The following TENM2 variants were observed in gnomAD, a reference collection of about 807,000 sequenced individuals.
TENM2 encodes teneurin transmembrane protein 2.
In TENM2, 52 loss-of-function variants were observed where a neutral mutation model predicts 245.2. The ratio of observed to expected loss-of-function variants is 0.21; its 90% confidence interval spans 0.17 to 0.27. The LOEUF is 0.27. TENM2 is among the 10% of genes least tolerant of loss of function. The pLI is 1.00. For missense variants in TENM2, 3,046 were observed against 3,666.8 expected (o/e 0.83, Z 4.37); for synonymous variants, 1,363 against 1,438.9 (o/e 0.95, Z 1.19).
At chr5:167,625,176 C>T (rs541168338) in intron 2 of TENM2, among the ~76,000 whole-genome samples, 2 of 152,274 alleles carry the variant, frequency 1.3e-5, no homozygotes, top group South Asian at 2.1e-4. Context: ...GTAGCAACTC[C>T]TCTTCTGAAT....
intron 4 of TENM2, among the ~76,000 whole-genome samples, chr5:167,977,453 A>G (rs901095349): frequency 5.3e-5 from 8 of 152,222 alleles, no homozygotes; most frequent in Admixed American, 5.2e-4. Context: ...AATACATCAA[A>G]TAAAATAGAA....
intron 2 of TENM2, among the ~76,000 whole-genome samples, chr5:167,512,210 A>T (rs1051000629): frequency 6.6e-6 from 1 of 152,206 alleles, no homozygotes; most frequent in Non-Finnish European, 1.5e-5. Context: ...CATGAAAAGT[A>T]TTTGAGAACA....
chr5:167,622,599 A>C (rs138120143), intron 2 of TENM2, among the ~76,000 whole-genome samples: 92 of 152,284 alleles, frequency 6.0e-4, no homozygotes, highest in Non-Finnish European at 1.2e-3. Flanking sequence ...AAGAATCAAC[A>C]TTAAGCCATT....
chr5:167,517,253 C>T (rs913794526), intron 2 of TENM2, among the ~76,000 whole-genome samples: 1 of 152,166 alleles, frequency 6.6e-6, no homozygotes, highest in African/African-American at 2.4e-5. Flanking sequence ...AGCTGAGAAG[C>T]TTAATGTCAC....
chr5:167,923,322 A>T (rs1015722174), intron 3 of TENM2, among the ~76,000 whole-genome samples: 9 of 134,420 alleles, frequency 6.7e-5, no homozygotes, highest in Non-Finnish European at 1.4e-4. Context: ...GTCTCCAAAA[A>T]AGAAAAAAAA....
At chr5:167,547,197 T>TGCCTCA (rs1476234617) in intron 2 of TENM2, among the ~76,000 whole-genome samples, 1 of 152,192 alleles carries the variant, frequency 6.6e-6, no homozygotes, top group African/African-American at 2.4e-5. Flanking sequence ...GCGATTCTGT[T>TGCCTCA]GCCTCAGCCT....
At chr5:167,983,063 G>C (rs1782961994) in intron 4 of TENM2, among the ~76,000 whole-genome samples, 1 of 151,726 alleles carries the variant, frequency 6.6e-6, no homozygotes, top group East Asian at 1.9e-4. Flanking sequence ...CGAATTCAAG[G>C]TCAAATCTAA....
intron 5 of TENM2, among the ~76,000 whole-genome samples, chr5:168,027,557 G>A (rs1026152026): frequency 6.6e-6 from 1 of 152,068 alleles, no homozygotes; most frequent in Non-Finnish European, 1.5e-5. Flanking sequence ...TAGCTTTCTG[G>A]TGCCATGTTC....
chr5:168,252,250 C>T (rs895372252), intron 27 of TENM2, among the ~76,000 whole-genome samples: 2 of 151,674 alleles, frequency 1.3e-5, no homozygotes, highest in African/African-American at 2.4e-5. Flanking sequence ...TAGTGGTGCA[C>T]ACCCGTGGTC....
At chr5:167,787,160 A>T (rs1764634469) in intron 2 of TENM2, among the ~76,000 whole-genome samples, 1 of 152,150 alleles carries the variant, frequency 6.6e-6, no homozygotes, top group African/African-American at 2.4e-5. Flanking sequence ...CACTCAGGAG[A>T]TGGGGGGACT....
intron 2 of TENM2, among the ~76,000 whole-genome samples, chr5:167,872,941 C>T (rs1773110468): frequency 6.6e-6 from 1 of 152,248 alleles, no homozygotes. Context: ...TTCAGTTCCA[C>T]CTCAGTCACT....
intron 2 of TENM2, among the ~76,000 whole-genome samples, chr5:167,789,856 A>G (rs1764827954): frequency 6.6e-6 from 1 of 152,206 alleles, no homozygotes; most frequent in South Asian, 2.1e-4. Context: ...CTAGCAGGTT[A>G]TTATTTAAAA....
chr5:167,777,180 G>C (rs1329724720), intron 2 of TENM2, among the ~76,000 whole-genome samples: 2 of 152,156 alleles, frequency 1.3e-5, no homozygotes, highest in Non-Finnish European at 2.9e-5. Context: ...GCTAATCTAA[G>C]TCAACCAAAT....
intron 2 of TENM2, among the ~76,000 whole-genome samples, chr5:167,532,455 A>G (rs1771572535): frequency 1.3e-5 from 2 of 152,100 alleles, no homozygotes; most frequent in Non-Finnish European, 2.9e-5. Context: ...GGTGGAAGGC[A>G]AGGAGGAGCA....
the TENM2 span, among the ~76,000 whole-genome samples, chr5:166,990,558 C>T: frequency 4.1e-3 from 623 of 152,124 alleles, 2 homozygotes; most frequent in Non-Finnish European, 7.1e-3. Context: ...TAATGCAGTT[C>T]CATGAAATAT....
chr5:168,033,083 T>G (rs917957468), intron 5 of TENM2: 1 of 152,216 alleles, frequency 6.6e-6, no homozygotes, highest in Non-Finnish European at 1.5e-5. Flanking sequence ...TTTTCTTTCT[T>G]TTTTCATAAT....
At chr5:167,651,663 A>G (rs1754472472) in intron 2 of TENM2, among the ~76,000 whole-genome samples, 1 of 152,150 alleles carries the variant, frequency 6.6e-6, no homozygotes, top group African/African-American at 2.4e-5. Flanking sequence ...ACATGGTAGA[A>G]TGGGAATATC....
At chr5:167,877,992 G>C (rs146943066) in intron 3 of TENM2, among the ~76,000 whole-genome samples, 1 of 152,256 alleles carries the variant, frequency 6.6e-6, no homozygotes, top group African/African-American at 2.4e-5. Context: ...TTTAAAAACA[G>C]ACAATTATTA....
the TENM2 span, among the ~76,000 whole-genome samples, chr5:167,120,629 A>G: frequency 4.0e-4 from 61 of 152,206 alleles, no homozygotes; most frequent in African/African-American, 1.4e-3. Flanking sequence ...TCTAGGTCTG[A>G]TGCATGGACC....
Sources: gnomAD v4.1 joint callset for allele counts (sites outside exome capture counted in the v4.1 genomes callset) on GRCh38, gnomAD v4.1.1 for gene constraint, MANE v1.5 for transcripts, NCBI Gene and HGNC (gene_info 2026-07-23, HGNC 2026-07-21) for gene names.